ATRNL1: variants seen among roughly 807,000 people sequenced by gnomAD.
ATRNL1 encodes attractin-like protein 1.
ATRNL1 carries 95 observed loss-of-function variants against 182.7 expected under a neutral mutation model. The observed-to-expected ratio is 0.52, with a 90% CI of 0.44 to 0.62. The LOEUF (loss-of-function observed/expected upper bound fraction) is 0.62. ATRNL1 is among the 20% of genes least tolerant of loss of function. The pLI is 0.00. For synonymous variants in ATRNL1, 576 were observed against 568.3 expected, an observed-to-expected ratio of 1.01 and a Z score of -0.19; for missense variants, 1,471 against 1,679.5, an observed-to-expected ratio of 0.88 and a Z score of 2.17.
rs1355587525 is a variant in ATRNL1 at position 115,340,451 on chromosome 10, C to CT, written c.3175+6041dup. ...CCACCACACCCGGCTAGTTTTCTTT[C>CT]TTTTTTTTTCTTTTCTTTTCTTTTC... On this transcript the variant is annotated intron_variant, in intron 19 of 28. Coordinates refer to ENST00000355044, the MANE Select transcript of ATRNL1 (RefSeq NM_207303.4). Among the ~76,000 whole-genome samples the CT allele has an allele frequency of 2.5e-4, 27 of 107,062 alleles. No individual in the cohort carries two copies. The East Asian group carries it at 4.1e-3, about 16-fold the overall frequency. 70.2% of individuals were successfully genotyped at this position (107,062 alleles called of 152,430 possible).
chr10:115,893,719 G>A (rs189244855), intron 28 of ATRNL1, among the ~76,000 whole-genome samples: 67 of 152,290 alleles, frequency 4.4e-4, no homozygotes, highest in Admixed American at 3.0e-3. Context: ...CAGCAGAGGT[G>A]GCAGTGGGCA....
intron 26 of ATRNL1, among the ~76,000 whole-genome samples, chr10:115,666,281 T>G (rs189090792): frequency 1.3e-5 from 2 of 152,316 alleles, no homozygotes; most frequent in South Asian, 4.1e-4. Context: ...CTGTTATGAT[T>G]AACTGATAAA....
intron 27 of ATRNL1, among the ~76,000 whole-genome samples, chr10:115,837,469 CACACACA>C (rs1950703086): frequency 7.6e-3 from 2 of 262 alleles, no homozygotes; most frequent in Non-Finnish European, 0.026. Context: ...TCCCAAGCCA[CACACACA>C]CACACACACA....
intron 10 of ATRNL1, among the ~76,000 whole-genome samples, chr10:115,245,083 C>T (rs902882688): frequency 6.6e-6 from 1 of 151,968 alleles, no homozygotes; most frequent in Non-Finnish European, 1.5e-5. Context: ...AAAACTAAAT[C>T]AGTAAAAACT....
At chr10:115,554,410 A>G (rs1323685188) in intron 26 of ATRNL1, among the ~76,000 whole-genome samples, 2 of 151,622 alleles carry the variant, frequency 1.3e-5, no homozygotes, top group African/African-American at 4.8e-5. Context: ...TGCAGTTAAG[A>G]TTTGAAAAAT....
chr10:115,929,011 A>G (rs1026254192), intron 28 of ATRNL1, among the ~76,000 whole-genome samples: 1 of 152,018 alleles, frequency 6.6e-6, no homozygotes, highest in Non-Finnish European at 1.5e-5. Flanking sequence ...TTTAGTGTTC[A>G]CTATTCACAA....
At chr10:115,462,127 A>G (rs559527296) in intron 22 of ATRNL1, 92 bp downstream of exon 22, 2 of 799,096 alleles carry the variant, frequency 2.5e-6, no homozygotes, top group African/African-American at 3.5e-5. Context: ...CAGAATTATC[A>G]CATTGTAGGG....
Position 115,944,798 on chromosome 10 carries a change from G to C in ATRNL1, c.*19G>C. On this transcript the variant is annotated 3_prime_UTR_variant, in exon 29 of 29. Transcript: ENST00000355044. ...TGTCTGAGAAATGGAAACCGCTCCT[G>C]TATATTCTGTACTGTTTTACTTCGG... The C allele has an allele frequency of 6.2e-7, 1 of 1,610,632 alleles. No homozygotes were observed. Among genetic ancestry groups the C allele is most frequent in the Non-Finnish European group, 8.5e-7 (1 of 1,178,430 alleles).
At chr10:115,794,254 A>T (rs1949598426) in intron 27 of ATRNL1, among the ~76,000 whole-genome samples, 1 of 152,132 alleles carries the variant, frequency 6.6e-6, no homozygotes, top group Middle Eastern at 3.2e-3. Flanking sequence ...TTTTTTCCTC[A>T]TACCATTTCA....
intron 28 of ATRNL1, among the ~76,000 whole-genome samples, chr10:115,874,838 C>T (rs1951665357): frequency 6.6e-6 from 1 of 152,152 alleles, no homozygotes; most frequent in African/African-American, 2.4e-5. Context: ...AAGGCCCTTA[C>T]TTCCAAGATG....
intron 5 of ATRNL1, among the ~76,000 whole-genome samples, chr10:115,148,016 A>C (rs1321942403): frequency 6.6e-6 from 1 of 151,834 alleles, no homozygotes; most frequent in African/African-American, 2.4e-5. Context: ...GGTAGTTTGC[A>C]TTGACTCTGT....
At chr10:115,190,150 C>G (rs1337607640) in intron 8 of ATRNL1, among the ~76,000 whole-genome samples, 1 of 152,090 alleles carries the variant, frequency 6.6e-6, no homozygotes, top group Non-Finnish European at 1.5e-5. Flanking sequence ...AATTGCCTAA[C>G]AGTGCATTTC....
At chr10:115,405,708 A>G (rs113900643) in intron 20 of ATRNL1, among the ~76,000 whole-genome samples, 1 of 150,898 alleles carries the variant, frequency 6.6e-6, no homozygotes, top group African/African-American at 2.4e-5. Context: ...TTTTTTAATT[A>G]TACTTTAAGT....
At position 115,229,029 on chromosome 10, in the gene ATRNL1, A is replaced by T. The variant is rs576120179; in HGVS notation, c.1533-12542A>T. Among the ~76,000 whole-genome samples, 17 of 152,154 alleles carry T rather than the reference A, an allele frequency of 1.1e-4. No homozygotes were observed. The East Asian group carries it at 3.3e-3, about 29-fold the overall frequency. Reference sequence around the variant, plus strand: ...TGATCCACCCACCTCGACCTCCTGTAGTGCTGAGATTACAGGCATGAGCCA... The same window carrying T: ...TGATCCACCCACCTCGACCTCCTGTTGTGCTGAGATTACAGGCATGAGCCA... On this transcript the variant is annotated intron_variant, in intron 9 of 28. Transcript: ENST00000355044.
At chr10:115,597,336 G>T (rs1230565436) in intron 26 of ATRNL1, among the ~76,000 whole-genome samples, 1 of 151,996 alleles carries the variant, frequency 6.6e-6, no homozygotes, top group African/African-American at 2.4e-5. Context: ...TTTATGAAAG[G>T]TTGAGAAATG....
chr10:115,673,985 C>T (rs1945782065), intron 26 of ATRNL1, among the ~76,000 whole-genome samples: 1 of 152,046 alleles, frequency 6.6e-6, no homozygotes, highest in Admixed American at 6.6e-5. Context: ...GGCTACGAGC[C>T]AGCACTACAC....
chr10:115,498,283 A>T (rs879968418), intron 24 of ATRNL1, among the ~76,000 whole-genome samples: 2 of 152,162 alleles, frequency 1.3e-5, no homozygotes, highest in Non-Finnish European at 2.9e-5. Flanking sequence ...AAGATTTTTA[A>T]AGTTACAAAT....
intron 24 of ATRNL1, among the ~76,000 whole-genome samples, chr10:115,491,082 G>C (rs1554976473): frequency 6.6e-6 from 1 of 152,182 alleles, no homozygotes; most frequent in East Asian, 1.9e-4. Context: ...AGCAAAGATT[G>C]CTGCCTGTTC....
intron 24 of ATRNL1, among the ~76,000 whole-genome samples, chr10:115,489,802 G>A (rs1849208428): frequency 6.6e-6 from 1 of 152,192 alleles, no homozygotes. Context: ...GTTAGTTGAT[G>A]CAGTTTCTTC....
Sources: gnomAD v4.1 joint callset for allele counts (sites outside exome capture counted in the v4.1 genomes callset) on GRCh38, gnomAD v4.1.1 for gene constraint, MANE v1.5 for transcripts, NCBI Gene and HGNC (gene_info 2026-07-23, HGNC 2026-07-21) for gene names.